The following PTAR1 variants were observed in gnomAD, a reference collection of about 807,000 sequenced individuals.
PTAR1 encodes the protein protein prenyltransferase alpha subunit repeat containing 1, also known as protein prenyltransferase alpha subunit repeat-containing protein 1.
PTAR1 carries 17 observed loss-of-function variants against 45.5 expected under a neutral mutation model. That is an observed-to-expected ratio of 0.37 (90% confidence interval 0.26 to 0.56). The LOEUF (loss-of-function observed/expected upper bound fraction) is 0.56. Ranked by LOEUF, PTAR1 falls within the 20% of genes least tolerant of loss-of-function variation. The pLI is 0.77. For synonymous variants in PTAR1, 169 were observed against 171.3 expected, an observed-to-expected ratio of 0.99 and a Z score of 0.11; for missense variants, 391 against 476.3, an observed-to-expected ratio of 0.82 and a Z score of 1.67.
At chr9:69,732,414 C>A (rs1192363566) in intron 4 of PTAR1, 62 bp from the exon 5 acceptor site, 2 of 1,192,768 alleles carry the variant, frequency 1.7e-6, no homozygotes, top group Non-Finnish European at 2.5e-6. Flanking sequence ...AGAAAAATAA[C>A]CAGTTTTCAT....
chr9:69,715,739 C>T lies in PTAR1; in HGVS notation c.*2603G>A, dbSNP rs1169201359. ...AAAGACATTATCATGCTACAGCTAG[C>T]GGGTTTAAATATTAACCACTTAGGA... On this transcript the variant is annotated 3_prime_UTR_variant, in exon 8 of 8. Coordinates refer to ENST00000340434, the MANE Select transcript of PTAR1 (RefSeq NM_001099666.2). 2 of 151,968 alleles carry T rather than the reference C, an allele frequency of 1.3e-5. No homozygotes were observed. Among genetic ancestry groups the T allele is most frequent in the African/African-American group, 2.4e-5 (1 of 41,376 alleles). The allele number at this position is 151,968 out of a possible 1,614,324, so 9.4% of individuals were successfully genotyped here.
At chr9:69,723,244 G>C in intron 6 of PTAR1, 82 bp downstream of exon 6, 1 of 1,163,546 alleles carries the variant, frequency 8.6e-7, no homozygotes, top group Non-Finnish European at 1.2e-6. Flanking sequence ...AAGCAGGCAG[G>C]AATCAGGTGT....
intron 1 of PTAR1, chr9:69,758,652 G>C: frequency 2.6e-6 from 1 of 384,344 alleles, no homozygotes; most frequent in South Asian, 1.9e-5. Context: ...CCAATTGTGT[G>C]CCACAAGGGA....
intron 7 of PTAR1, 33 bp from the exon 8 acceptor site, chr9:69,718,601 C>T: frequency 6.2e-7 from 1 of 1,613,402 alleles, no homozygotes; most frequent in Non-Finnish European, 8.5e-7. Flanking sequence ...CAAAGTCCCC[C>T]CAGGGCTGTC....
In PTAR1 at chr9:69,717,150, A is replaced by G. The variant is rs1442502967; in HGVS notation, c.*1192T>C. The G allele has an allele frequency of 6.6e-6, 1 of 152,188 alleles. No homozygotes were observed. Among genetic ancestry groups the G allele is most frequent in the Non-Finnish European group, 1.5e-5 (1 of 68,024 alleles). 9.4% of individuals were successfully genotyped at this position (152,188 alleles called of 1,614,324 possible). On this transcript the variant is annotated 3_prime_UTR_variant, in exon 8 of 8. Transcript: ENST00000340434. ...TATCAAAGTGTTTTGTTTTGCACAT[A>G]CTATTCCTTCCCTTGGCATTTGCCA...
chr9:69,754,451 A>AG (rs922199136), intron 1 of PTAR1, among the ~76,000 whole-genome samples: 2 of 151,294 alleles, frequency 1.3e-5, no homozygotes, highest in African/African-American at 4.9e-5. Flanking sequence ...TGGAAAACTC[A>AG]GGAAAAACAA....
At chr9:69,724,134 C>T (rs539408155) in intron 5 of PTAR1, among the ~76,000 whole-genome samples, 49 of 152,272 alleles carry the variant, frequency 3.2e-4, no homozygotes, top group African/African-American at 1.1e-3. Flanking sequence ...AGGGCAGAGA[C>T]CGTGTCTGTC....
intron 3 of PTAR1, among the ~76,000 whole-genome samples, chr9:69,734,590 T>A (rs17084935): frequency 0.14 from 21,991 of 152,116 alleles, 1,713 homozygotes; most frequent in East Asian, 0.27. Flanking sequence ...TTCCAAAAGT[T>A]GTGAGACCTG....
chr9:69,754,476 A>C (rs1336401515), intron 1 of PTAR1, among the ~76,000 whole-genome samples: 1 of 151,688 alleles, frequency 6.6e-6, no homozygotes, highest in African/African-American at 2.4e-5. Flanking sequence ...AAACAAAAAA[A>C]ACCCTAAAAG....
intron 1 of PTAR1, among the ~76,000 whole-genome samples, chr9:69,754,642 G>A (rs1826685584): frequency 7.0e-6 from 1 of 142,690 alleles, no homozygotes; most frequent in South Asian, 2.3e-4. Flanking sequence ...CTGGGCTCAA[G>A]AAATCCTCTC....
intron 2 of PTAR1, among the ~76,000 whole-genome samples, chr9:69,746,632 A>C (rs1215315719): frequency 6.6e-6 from 1 of 152,218 alleles, no homozygotes; most frequent in Non-Finnish European, 1.5e-5. Context: ...CAGAACATAT[A>C]CCAGCAAATA....
At chr9:69,738,596 C>T (rs1825896845) in intron 3 of PTAR1, among the ~76,000 whole-genome samples, 1 of 152,028 alleles carries the variant, frequency 6.6e-6, no homozygotes, top group Admixed American at 6.6e-5. Flanking sequence ...AGTTGCTCCC[C>T]ATGTCCCTTT....
chr9:69,740,424 G>GTGTA (rs1825991102), intron 3 of PTAR1, among the ~76,000 whole-genome samples: 1 of 151,950 alleles, frequency 6.6e-6, no homozygotes, highest in Non-Finnish European at 1.5e-5. Flanking sequence ...GTGTGTGTGT[G>GTGTA]TGTATGTACC....
chr9:69,737,500 A>C (rs887825035), intron 3 of PTAR1, among the ~76,000 whole-genome samples: 12 of 152,240 alleles, frequency 7.9e-5, no homozygotes, highest in African/African-American at 1.2e-4. Context: ...CAACTTAGAT[A>C]TACTATGATG....
rs1824499043 is a variant in PTAR1 at position 69,710,925 on chromosome 9, C to A, written c.*7417G>T. 1 of 152,044 alleles carries A rather than the reference C, an allele frequency of 6.6e-6. No individual in the cohort carries two copies. The highest frequency in any genetic ancestry group is 1.5e-5 in the Non-Finnish European group (1 of 68,018). 9.4% of individuals were successfully genotyped at this position (152,044 alleles called of 1,614,324 possible). The stretch of plus-strand genomic sequence containing the variant: ...CTTCAAGCAATGTAAAATTAACAGG[C>A]ATGGTTAATTTTAATGGCAGAATAT... On this transcript the variant is annotated 3_prime_UTR_variant, in exon 8 of 8. Transcript: ENST00000340434.
intron 2 of PTAR1, among the ~76,000 whole-genome samples, chr9:69,747,120 T>C (rs1826308072): frequency 6.6e-6 from 1 of 152,240 alleles, no homozygotes; most frequent in South Asian, 2.1e-4. Flanking sequence ...GACAAATGTC[T>C]GTTGAACATG....
At chr9:69,743,843 T>C (rs1826149836) in intron 2 of PTAR1, among the ~76,000 whole-genome samples, 1 of 152,152 alleles carries the variant, frequency 6.6e-6, no homozygotes, top group Non-Finnish European at 1.5e-5. Flanking sequence ...TTGGAGAGAC[T>C]ATATAAACAA....
At chr9:69,752,856 T>C (rs557820079) in intron 1 of PTAR1, among the ~76,000 whole-genome samples, 1 of 152,070 alleles carries the variant, frequency 6.6e-6, no homozygotes, top group Non-Finnish European at 1.5e-5. Flanking sequence ...TCTATCTAAT[T>C]CATTATTATG....
At position 69,715,119 on chromosome 9, in the gene PTAR1, T is replaced by C. The variant is rs1324064923; in HGVS notation, c.*3223A>G. ...TCTTTAGCTCTACAAATTTTTAATATATATTATAATACAGTTAATTGACAA... is the reference window on the plus strand; with the variant it reads ...TCTTTAGCTCTACAAATTTTTAATACATATTATAATACAGTTAATTGACAA... On this transcript the variant is annotated 3_prime_UTR_variant, in exon 8 of 8. Transcript: ENST00000340434. The C allele has an allele frequency of 6.6e-6, 1 of 152,028 alleles. No individual in the cohort carries two copies. The highest frequency in any genetic ancestry group is 1.5e-5 in the Non-Finnish European group (1 of 67,968). 9.4% of individuals were successfully genotyped at this position (152,028 alleles called of 1,614,324 possible).
Sources: gnomAD v4.1 joint callset for allele counts (sites outside exome capture counted in the v4.1 genomes callset) on GRCh38, gnomAD v4.1.1 for gene constraint, MANE v1.5 for transcripts, NCBI Gene and HGNC (gene_info 2026-07-23, HGNC 2026-07-21) for gene names.